Variants in ATP8A2 observed in about 807,000 individuals in gnomAD.
The protein encoded by ATP8A2 is ATPase phospholipid transporting 8A2, also known as phospholipid-transporting ATPase IB.
ATP8A2 carries 100 observed loss-of-function variants against 165.6 expected under a neutral mutation model. The ratio of observed to expected loss-of-function variants is 0.60; its 90% CI spans 0.51 to 0.71. ATP8A2 has a LOEUF of 0.71. Ranked by LOEUF, ATP8A2 falls within the 30% of genes least tolerant of loss-of-function variation. The pLI is 0.00. For missense variants in ATP8A2, 1,227 were observed against 1,479.5 expected (o/e 0.83, Z 2.80); for synonymous variants, 543 against 548.8 (o/e 0.99, Z 0.15).
chr13:25,821,816 G>C (rs1021631556), intron 27 of ATP8A2, among the ~76,000 whole-genome samples: 3 of 152,110 alleles, frequency 2.0e-5, no homozygotes, highest in Non-Finnish European at 4.4e-5. Flanking sequence ...CTCCCCCAAG[G>C]TGTGACAGTA....
Position 25,553,863 on chromosome 13 carries a change from C to T in ATP8A2, c.1128C>T (p.Ile376=), listed in dbSNP as rs546968533. ...FIILYNNLIP[I]SLLVTLEVVK... ...TCTTATACAACAATCTTATTCCCAT[C>T]AGTCTGTTGGTGACTCTTGAGGTTG... The change falls in exon 12 of 37, where the codon ATC becomes ATT. Residue 376 remains isoleucine, a synonymous_variant. Transcript: ENST00000381655. 3.2e-5 allele frequency: 51 copies of T among 1,613,076 alleles called. No individual in the cohort carries two copies. The East Asian group carries it at 9.8e-4, about 31-fold the overall frequency.
chr13:25,769,499 T>C (rs1288168087), intron 26 of ATP8A2, among the ~76,000 whole-genome samples: 2 of 152,210 alleles, frequency 1.3e-5, no homozygotes, highest in African/African-American at 4.8e-5. Context: ...TCCTGGCAGA[T>C]AGGTCTCTGA....
intron 25 of ATP8A2, among the ~76,000 whole-genome samples, chr13:25,761,124 C>T (rs1339917682): frequency 6.6e-6 from 1 of 152,140 alleles, no homozygotes; most frequent in Non-Finnish European, 1.5e-5. Flanking sequence ...AAGGAAAGGA[C>T]CTATGCCTGG....
intron 25 of ATP8A2, among the ~76,000 whole-genome samples, chr13:25,713,987 G>A (rs1169074071): frequency 3.3e-5 from 5 of 152,078 alleles, no homozygotes; most frequent in Admixed American, 1.3e-4. Context: ...TCTTAGGTAC[G>A]TTGAATTCTT....
chr13:25,555,295 GAA>G (rs1003224408), intron 13 of ATP8A2, among the ~76,000 whole-genome samples: 1 of 146,568 alleles, frequency 6.8e-6, no homozygotes, highest in African/African-American at 2.5e-5. Context: ...GAAGTAACCA[GAA>G]AAAAAAAAGA....
intron 27 of ATP8A2, among the ~76,000 whole-genome samples, chr13:25,782,905 A>G (rs1290039169): frequency 6.6e-6 from 1 of 151,236 alleles, no homozygotes; most frequent in Admixed American, 6.6e-5. Flanking sequence ...GCACCTGGCT[A>G]ATTTTTTGTA....
chr13:25,578,640 A>G (rs565999119), intron 20 of ATP8A2, among the ~76,000 whole-genome samples, 175 bp from the exon 21 acceptor site: 2 of 152,300 alleles, frequency 1.3e-5, no homozygotes, highest in South Asian at 2.1e-4. Context: ...GGACACATTC[A>G]TACCCAATTT....
In ATP8A2 at chr13:25,372,125, A is replaced by T; in HGVS notation, c.-88A>T. ...AGCCCGGCGAGGCGCTGGCCCACCC[A>T]TGGTCCTCGGGCGGCGGCCCCTGCG... is the stretch of plus-strand genomic sequence containing the variant. On this transcript the variant is annotated 5_prime_UTR_variant, in exon 1 of 37. An upstream start codon of the reference 5' UTR is lost. Coordinates refer to ENST00000381655, the MANE Select transcript of ATP8A2 (RefSeq NM_016529.6). The surrounding 1 kb of genome is among the most constrained non-coding windows in gnomAD (Gnocchi z 4.8). 1.1e-6 allele frequency: 1 copy of T among 944,438 alleles called. No homozygotes were observed. Among genetic ancestry groups the T allele is most frequent in the Non-Finnish European group, 1.4e-6 (1 of 721,470 alleles). 58.5% of individuals were successfully genotyped at this position (944,438 alleles called of 1,614,324 possible).
chr13:25,700,840 G>C (rs1334672071), intron 25 of ATP8A2, among the ~76,000 whole-genome samples: 1 of 152,178 alleles, frequency 6.6e-6, no homozygotes, highest in East Asian at 1.9e-4. Flanking sequence ...GATTGTTTCA[G>C]TTCCTCCATA....
At chr13:25,419,099 G>A (rs1373040761) in intron 1 of ATP8A2, among the ~76,000 whole-genome samples, 1 of 152,176 alleles carries the variant, frequency 6.6e-6, no homozygotes, top group African/African-American at 2.4e-5. Context: ...GCACGCACGT[G>A]TTGAGGAAAA....
chr13:25,400,748 C>T (rs759073958), intron 1 of ATP8A2, among the ~76,000 whole-genome samples: 3 of 152,160 alleles, frequency 2.0e-5, no homozygotes, highest in East Asian at 1.9e-4. Context: ...CTTGCTGTAA[C>T]GGTGCAGAAA....
At chr13:26,015,650 A>C (rs1956953476) in intron 36 of ATP8A2, among the ~76,000 whole-genome samples, 1 of 152,182 alleles carries the variant, frequency 6.6e-6, no homozygotes, top group Non-Finnish European at 1.5e-5. Context: ...GGAGAAGACA[A>C]AACAACTAAG....
intron 33 of ATP8A2, among the ~76,000 whole-genome samples, chr13:25,950,061 A>G (rs1955311524): frequency 6.6e-6 from 1 of 152,146 alleles, no homozygotes; most frequent in African/African-American, 2.4e-5. Context: ...CTGCCTCCCA[A>G]AGTGCAGGGA....
At chr13:25,412,361 A>G (rs1286624095) in intron 1 of ATP8A2, among the ~76,000 whole-genome samples, 2 of 152,184 alleles carry the variant, frequency 1.3e-5, no homozygotes, top group Non-Finnish European at 2.9e-5. Context: ...TTAAGCCACC[A>G]TATTTGGGGA....
At chr13:25,379,089 G>A (rs1034194216) in intron 1 of ATP8A2, among the ~76,000 whole-genome samples, 1 of 152,118 alleles carries the variant, frequency 6.6e-6, no homozygotes, top group Non-Finnish European at 1.5e-5. Flanking sequence ...GAATGTTAAG[G>A]CAGGCTCCTT....
intron 33 of ATP8A2, chr13:25,868,006 C>G: frequency 2.5e-6 from 1 of 393,752 alleles, no homozygotes; most frequent in Non-Finnish European, 5.1e-6. Context: ...AAGCCAGCCT[C>G]GAAGCCCATC....
intron 30 of ATP8A2, among the ~76,000 whole-genome samples, chr13:25,853,216 C>T (rs1241527215): frequency 6.6e-6 from 1 of 151,540 alleles, no homozygotes; most frequent in Non-Finnish European, 1.5e-5. Context: ...TGGTGAAACC[C>T]CGCCTCTTCT....
At chr13:25,649,115 A>G (rs1292194712) in intron 24 of ATP8A2, 6 of 458,202 alleles carry the variant, frequency 1.3e-5, no homozygotes, top group Non-Finnish European at 2.6e-5. Context: ...TGTGTACTTG[A>G]GATAACAACC....
rs1955437779 is a variant in ATP8A2 at position 25,953,613 on chromosome 13, G to A, written c.3184-7962G>A. Among the ~76,000 whole-genome samples, 2 of 150,970 alleles carry A rather than the reference G, an allele frequency of 1.3e-5. No homozygotes were observed. Among genetic ancestry groups the A allele is most frequent in the Admixed American group, 1.3e-4 (2 of 15,164 alleles). ...GTCTGTAGCTCCCAGGGAGATCAAG[G>A]CAGACAGCGAGTGATTTCTGCATTT... On this transcript the variant is annotated intron_variant, in intron 33 of 36. Coordinates refer to ENST00000381655, the MANE Select transcript of ATP8A2 (RefSeq NM_016529.6). This position sits in a 1 kb window ranked among gnomAD's most constrained non-coding sequence, Gnocchi z 6.7.
Sources: gnomAD v4.1 joint callset for allele counts (sites outside exome capture counted in the v4.1 genomes callset) on GRCh38, gnomAD v4.1.1 for gene constraint, Gnocchi (gnomAD v3.1) non-coding constraint, MANE v1.5 for transcripts, NCBI Gene and HGNC (gene_info 2026-07-23, HGNC 2026-07-21) for gene names.